ABHD2: variants seen among roughly 807,000 people sequenced by gnomAD.
ABHD2 encodes monoacylglycerol lipase ABHD2.
ABHD2 carries 20 observed loss-of-function variants against 48.1 expected under a neutral mutation model. The observed-to-expected ratio is 0.42, with a 90% CI of 0.29 to 0.60. The LOEUF is 0.60. Among genes scored for constraint, ABHD2 ranks in the 20% least tolerant of loss-of-function variants. The pLI, the probability that ABHD2 is intolerant of heterozygous loss-of-function variation, is 0.24. For synonymous variants in ABHD2, 209 were observed against 214.2 expected (o/e 0.98, Z 0.21); for missense variants, 405 against 550.9 (o/e 0.74, Z 2.65).
At chr15:89,050,027 C>A in the ABHD2 span, among the ~76,000 whole-genome samples, 1 of 152,152 alleles carries the variant, frequency 6.6e-6, no homozygotes, top group African/African-American at 2.4e-5. Flanking sequence ...CCTTCCTGGA[C>A]TACATTTTCA....
At chr15:89,089,832 G>T (rs985710847) in intron 1 of ABHD2, among the ~76,000 whole-genome samples, 2 of 152,200 alleles carry the variant, frequency 1.3e-5, no homozygotes, top group African/African-American at 4.8e-5. Context: ...GTTTTAGGAT[G>T]AATTAATCTT....
In ABHD2 at chr15:89,175,954, C is replaced by A. The variant is rs1186042709; in HGVS notation, c.681C>A (p.Val227=). ...AGACTCAGGCAAACCAAGAGAAGGT[C>A]CTGTGCTGCGTCAGCGTGTGCCAGG... ...LGETQANQEK[V]LCCVSVCQGY... Residue 227 remains valine, a synonymous_variant, in exon 6 of 11, where the codon GTC becomes GTA. Coordinates refer to ENST00000352732, the MANE Select transcript of ABHD2 (RefSeq NM_152924.5). This position sits in a 1 kb window ranked among gnomAD's most constrained non-coding sequence, Gnocchi z 5.7. 1.2e-6 allele frequency: 2 copies of A among 1,613,420 alleles called. No individual in the cohort carries two copies. Among genetic ancestry groups the A allele is most frequent in the Non-Finnish European group, 1.7e-6 (2 of 1,179,676 alleles).
chr15:89,061,788 G>A, the ABHD2 span, among the ~76,000 whole-genome samples: 1 of 152,042 alleles, frequency 6.6e-6, no homozygotes, highest in South Asian at 2.1e-4. Context: ...TGCCCAGGCT[G>A]GTCTTGAACT....
At chr15:89,057,897 CTGA>C in the ABHD2 span, among the ~76,000 whole-genome samples, 2 of 152,288 alleles carry the variant, frequency 1.3e-5, no homozygotes, top group Admixed American at 6.5e-5. Context: ...TTTGCCAGGT[CTGA>C]CTTCTTTCCT....
At chr15:89,055,472 A>G in the ABHD2 span, among the ~76,000 whole-genome samples, 1 of 151,900 alleles carries the variant, frequency 6.6e-6, no homozygotes, top group Non-Finnish European at 1.5e-5. Context: ...AGCTGGGACT[A>G]TAGGCGAATG....
chr15:89,054,999 G>C, the ABHD2 span, among the ~76,000 whole-genome samples: 2 of 152,080 alleles, frequency 1.3e-5, no homozygotes, highest in East Asian at 3.9e-4. Context: ...GCTGAGGTTG[G>C]AGGATCACTT....
chr15:89,130,479 T>C (rs554431870), intron 3 of ABHD2, among the ~76,000 whole-genome samples: 20 of 152,358 alleles, frequency 1.3e-4, no homozygotes, highest in African/African-American at 4.1e-4. Flanking sequence ...AATACAGTCA[T>C]GGGTTCTCAG....
In ABHD2 at chr15:89,151,430, A is replaced by C. The variant is rs558724651; in HGVS notation, c.195-247A>C. On this transcript the variant is annotated intron_variant, in intron 3 of 10. Coordinates refer to ENST00000352732, the MANE Select transcript of ABHD2 (RefSeq NM_152924.5). The surrounding 1 kb of genome is among the most constrained non-coding windows in gnomAD (Gnocchi z 4.7). ...GTTGAATTACTTAACAGTTACCCTA[A>C]ATTGAAATCCTCTTTATATATATGT... is the stretch of plus-strand genomic sequence containing the variant. 1.4e-4 allele frequency among the ~76,000 whole-genome samples: 21 copies of C among 152,344 alleles called. No homozygotes were observed. The highest frequency in any genetic ancestry group is 4.3e-4 in the African/African-American group (18 of 41,574).
intron 3 of ABHD2, chr15:89,135,724 C>T (rs530065588): frequency 6.3e-6 from 8 of 1,267,800 alleles, no homozygotes; most frequent in East Asian, 4.6e-5. Flanking sequence ...CCTTCAGCTT[C>T]GCAGCCTTCT....
At chr15:89,101,557 A>G (rs1006392548) in intron 1 of ABHD2, among the ~76,000 whole-genome samples, 3 of 152,236 alleles carry the variant, frequency 2.0e-5, no homozygotes, top group Non-Finnish European at 4.4e-5. Flanking sequence ...AGTGTCCACT[A>G]TGCACTCAAC....
chr15:89,192,785 G>A (rs1266773686), intron 9 of ABHD2, among the ~76,000 whole-genome samples: 1 of 152,222 alleles, frequency 6.6e-6, no homozygotes, highest in African/African-American at 2.4e-5. Flanking sequence ...GTGGGCTCAA[G>A]CAGTCCTCCC....
chr15:89,083,222 G>T (rs573399492), upstream of ABHD2, among the ~76,000 whole-genome samples: 5 of 152,014 alleles, frequency 3.3e-5, no homozygotes, highest in African/African-American at 7.3e-5. This position sits in a 1 kb window ranked among gnomAD's most constrained non-coding sequence, Gnocchi z 5.1. Context: ...CGCCTTCTCC[G>T]GAAATAGTTT....
chr15:89,131,216 T>A (rs987588768), intron 3 of ABHD2, among the ~76,000 whole-genome samples: 5 of 152,228 alleles, frequency 3.3e-5, no homozygotes, highest in Non-Finnish European at 7.3e-5. Flanking sequence ...CCCTCGCTCC[T>A]TCTTCCCTAT....
rs2050809759 is a variant in ABHD2 at position 89,164,596 on chromosome 15, G to C, written c.538+9062G>C. Among the ~76,000 whole-genome samples, 1 of 151,936 alleles carries C rather than the reference G, an allele frequency of 6.6e-6. No homozygotes were observed. The highest frequency in any genetic ancestry group is 1.5e-5 in the Non-Finnish European group (1 of 67,970). On this transcript the variant is annotated intron_variant, in intron 5 of 10. Coordinates refer to ENST00000352732, the MANE Select transcript of ABHD2 (RefSeq NM_152924.5). The surrounding 1 kb of genome is among the most constrained non-coding windows in gnomAD (Gnocchi z 5.0). ...GAGCCCAGGAGTTTGAGACCAGCCT[G>C]ATAGAACATGGTGAAACCTCATCTC...
chr15:89,109,443 A>G (rs1192749079), intron 1 of ABHD2, among the ~76,000 whole-genome samples: 3 of 152,266 alleles, frequency 2.0e-5, no homozygotes, highest in African/African-American at 4.8e-5. Context: ...AGCCCAGCCC[A>G]TCATGAAGGT....
At chr15:89,152,563 G>A (rs1199094721) in intron 4 of ABHD2, among the ~76,000 whole-genome samples, 1 of 152,102 alleles carries the variant, frequency 6.6e-6, no homozygotes, top group Non-Finnish European at 1.5e-5. Context: ...CTGTGAGGCT[G>A]GTATTTACTA....
chr15:89,048,249 A>G, the ABHD2 span, among the ~76,000 whole-genome samples: 2 of 151,928 alleles, frequency 1.3e-5, no homozygotes, highest in African/African-American at 4.8e-5. Context: ...TGGCTTGTAG[A>G]GTTTCTGCCG....
chr15:89,050,012 A>G, the ABHD2 span, among the ~76,000 whole-genome samples: 38 of 152,286 alleles, frequency 2.5e-4, no homozygotes, highest in African/African-American at 8.4e-4. Flanking sequence ...ACCAAACACT[A>G]ACTCCCTTCC....
At chr15:89,122,769 C>T (rs2050072010) in intron 3 of ABHD2, among the ~76,000 whole-genome samples, 1 of 152,202 alleles carries the variant, frequency 6.6e-6, no homozygotes, top group African/African-American at 2.4e-5. Context: ...GTACATACTG[C>T]CCTGTGGGAA....
Sources: gnomAD v4.1 joint callset for allele counts (sites outside exome capture counted in the v4.1 genomes callset) on GRCh38, gnomAD v4.1.1 for gene constraint, Gnocchi (gnomAD v3.1) non-coding constraint, MANE v1.5 for transcripts, NCBI Gene and HGNC (gene_info 2026-07-23, HGNC 2026-07-21) for gene names.